The following FGD5 variants were observed in gnomAD, a reference collection of about 807,000 sequenced individuals.
The protein encoded by FGD5 is FYVE, RhoGEF and PH domain-containing protein 5.
A neutral mutation model predicts 133.4 loss-of-function variants in FGD5; 28 were observed. That is an observed-to-expected ratio of 0.21 (90% CI 0.16 to 0.29). The LOEUF is 0.29. Ranked by LOEUF, FGD5 falls within the 10% of genes least tolerant of loss-of-function variation. The pLI is 1.00. For synonymous variants in FGD5, 810 were observed against 776.5 expected, an observed-to-expected ratio of 1.04 and a Z score of -0.72; for missense variants, 1,858 against 1,895.2, an observed-to-expected ratio of 0.98 and a Z score of 0.36.
In FGD5 at chr3:14,819,080, G is replaced by C. The variant is rs1429859027; in HGVS notation, c.9G>C (p.Arg3Ser). The C allele has an allele frequency of 1.3e-6, 2 of 1,547,840 alleles. No homozygotes were observed. Among genetic ancestry groups the C allele is most frequent in the Non-Finnish European group, 1.7e-6 (2 of 1,146,342 alleles). The change falls in exon 1 of 20, where the codon AGG (arginine) becomes AGC (serine). Residue 3 changes from arginine to serine, a missense_variant. Physicochemically the swap from Arg to Ser is moderately radical, Grantham distance 110 (BLOSUM62 -1). Transcript: ENST00000285046. The surrounding 1 kb of genome is among the most constrained non-coding windows in gnomAD (Gnocchi z 4.1). MF[R>S]GPKPPIAPKP... is the part of the protein sequence containing the mutation. ...TTCACAGTCCAAACTCCATGTTCAGGGGTCCGAAGCCCCCCATTGCCCCCA... is the reference window on the plus strand; with the variant it reads ...TTCACAGTCCAAACTCCATGTTCAGCGGTCCGAAGCCCCCCATTGCCCCCA...
At position 14,917,567 on chromosome 3, in the gene FGD5, T is replaced by A. The variant is rs2038583718; in HGVS notation, c.3489+235T>A. ...TTAGAGTGGATAATATTTGGTCGGA[T>A]CAGGAAGGAAGGGAAGGAGGGGCAT... On this transcript the variant is annotated intron_variant, in intron 12 of 19. Transcript: ENST00000285046. The surrounding 1 kb of genome is among the most constrained non-coding windows in gnomAD (Gnocchi z 4.1). 6.6e-6 allele frequency among the ~76,000 whole-genome samples: 1 copy of A among 151,712 alleles called. No individual in the cohort carries two copies. The highest frequency in any genetic ancestry group is 2.1e-4 in the South Asian group (1 of 4,810).
chr3:14,879,776 T>G (rs548709843), intron 2 of FGD5, among the ~76,000 whole-genome samples: 1 of 152,248 alleles, frequency 6.6e-6, no homozygotes, highest in African/African-American at 2.4e-5. Flanking sequence ...CAGGAGAGGC[T>G]TCTTGGAGGA....
At position 14,819,308 on chromosome 3, in the gene FGD5, G is replaced by T; in HGVS notation, c.237G>T (p.Lys79Asn). 1 of 1,532,978 alleles carries T rather than the reference G, an allele frequency of 6.5e-7. No homozygotes were observed. The highest frequency in any genetic ancestry group is 8.8e-7 in the Non-Finnish European group (1 of 1,137,384). 95.0% of individuals were successfully genotyped at this position (1,532,978 alleles called of 1,614,324 possible). A position where few individuals can be genotyped will look rare whatever the true frequency, so the allele number is the denominator to read the frequency against. Residue 79 changes from lysine to asparagine, a missense_variant, in exon 1 of 20, where the codon AAG becomes AAT. By Grantham distance (94) the Lys-to-Asn change is moderately conservative. This residue lies in a region of FGD5 where 1,824 missense variants were observed against 1,848.9 expected (regional missense o/e 0.99). Transcript: ENST00000285046. The surrounding 1 kb of genome is among the most constrained non-coding windows in gnomAD (Gnocchi z 4.1). The part of the protein sequence containing the change: ...PRVPLREDEP[K>N]DEGSVGNKAL... ...TTCCGCTGAGGGAGGATGAACCCAA[G>T]GACGAGGGCAGTGTGGGGAACAAAG...
At chr3:14,890,822 G>T (rs1326492494) in intron 4 of FGD5, among the ~76,000 whole-genome samples, 1 of 152,198 alleles carries the variant, frequency 6.6e-6, no homozygotes, top group East Asian at 1.9e-4. Flanking sequence ...TCTTGTCTTT[G>T]CCTGTTCTTC....
intron 1 of FGD5, among the ~76,000 whole-genome samples, chr3:14,859,493 G>A (rs1461968315): frequency 6.6e-6 from 1 of 152,032 alleles, no homozygotes; most frequent in African/African-American, 2.4e-5. Flanking sequence ...AGAAAGCAGA[G>A]GTTGCACTTA....
intron 1 of FGD5, among the ~76,000 whole-genome samples, chr3:14,843,451 G>A (rs913828274): frequency 1.3e-5 from 2 of 152,088 alleles, no homozygotes; most frequent in African/African-American, 4.8e-5. Flanking sequence ...CCCTTTAGAC[G>A]CTCTCTCAGG....
rs561668642 is a variant in FGD5 at position 14,897,464 on chromosome 3, C to G, written c.2749-45C>G. ...GGAAATCTGCCAAGGAGGACTTGTG[C>G]TCAGTCCTATCAACCTGTGGGTAAC... is the stretch of plus-strand genomic sequence containing the variant. On this transcript the variant is annotated intron_variant, in intron 4 of 19. Coordinates refer to ENST00000285046, the MANE Select transcript of FGD5 (RefSeq NM_152536.4). 118 of 1,573,056 alleles carry G rather than the reference C, an allele frequency of 7.5e-5. No individual in the cohort carries two copies. In the South Asian group the frequency reaches 1.3e-3, roughly 18 times the overall value.
chr3:14,864,156 C>A lies in FGD5; in HGVS notation c.2554C>A (p.Pro852Thr). 2 of 1,613,994 alleles carry A rather than the reference C, an allele frequency of 1.2e-6. No homozygotes were observed. The highest frequency in any genetic ancestry group is 3.3e-5 in the Admixed American group (2 of 60,032). Residue 852 changes from proline to threonine, a missense_variant, in exon 2 of 20, where the codon CCC becomes ACC. Coordinates refer to ENST00000285046, the MANE Select transcript of FGD5 (RefSeq NM_152536.4). ...CTACACAGAGCCCTACAAAGTCTGT[C>A]CCATCTCGTCGGCAGCCCCCAAAGA... ...SAYTEPYKVCPISSAAPKEDL... is the reference protein window; with the variant it reads ...SAYTEPYKVCTISSAAPKEDL...
chr3:14,908,559 A>G (rs967700397), intron 10 of FGD5, among the ~76,000 whole-genome samples: 5 of 152,198 alleles, frequency 3.3e-5, no homozygotes, highest in Admixed American at 6.5e-5. Context: ...AATAATTTAG[A>G]AAAATATTTT....
chr3:14,822,659 C>T (rs1026572757), intron 1 of FGD5, among the ~76,000 whole-genome samples: 1 of 152,122 alleles, frequency 6.6e-6, no homozygotes, highest in African/African-American at 2.4e-5. Context: ...GAATTGTGGA[C>T]ACAACTTAAA....
intron 2 of FGD5, among the ~76,000 whole-genome samples, chr3:14,872,427 TG>T (rs1176588658): frequency 1.3e-5 from 2 of 152,198 alleles, no homozygotes; most frequent in Non-Finnish European, 2.9e-5. Context: ...TCTCATGGGC[TG>T]GGAAGTATAG....
chr3:14,862,675 AG>A (rs2037421390), intron 1 of FGD5, among the ~76,000 whole-genome samples: 1 of 152,206 alleles, frequency 6.6e-6, no homozygotes, highest in Non-Finnish European at 1.5e-5. Flanking sequence ...AAGAAGAAAG[AG>A]GTCTGACCAG....
rs758541129 is a variant in FGD5, at chr3:14,820,445, G to A, written c.1374G>A (p.Ser458=). 2.1e-5 allele frequency: 33 copies of A among 1,606,956 alleles called. No individual in the cohort carries two copies. Among genetic ancestry groups the A allele is most frequent in the Admixed American group, 8.6e-5 (5 of 58,404 alleles). ...CGGACGCCCTGGGTGGTTATGGCTC[G>A]AAAGAAGAATTGAACTGTGAGGCAG... is the stretch of plus-strand genomic sequence containing the variant. ...AASDALGGYG[S]KEELNCEAEG... is the part of the protein sequence containing the mutation. Residue 458 remains serine, a synonymous_variant, in exon 1 of 20, where the codon TCG becomes TCA. Coordinates refer to ENST00000285046, the MANE Select transcript of FGD5 (RefSeq NM_152536.4).
intron 1 of FGD5, among the ~76,000 whole-genome samples, chr3:14,832,156 G>A (rs912579491): frequency 3.3e-5 from 5 of 152,198 alleles, no homozygotes; most frequent in African/African-American, 1.2e-4. Flanking sequence ...ACTGAGCACC[G>A]TGAGGAGTCT....
At chr3:14,898,921 C>A in intron 7 of FGD5, 95 bp downstream of exon 7, 1 of 1,100,364 alleles carries the variant, frequency 9.1e-7, no homozygotes, top group Non-Finnish European at 1.3e-6. Flanking sequence ...TTGCCTCTGA[C>A]CATGTCAGGC....
intron 1 of FGD5, among the ~76,000 whole-genome samples, chr3:14,853,234 G>A (rs2037201670): frequency 6.6e-6 from 1 of 152,230 alleles, no homozygotes; most frequent in Admixed American, 6.5e-5. Flanking sequence ...GGAAGTCCTG[G>A]AGGGACTGTT....
At chr3:14,878,834 G>A (rs567543771) in intron 2 of FGD5, among the ~76,000 whole-genome samples, 1 of 151,484 alleles carries the variant, frequency 6.6e-6, no homozygotes, top group East Asian at 2.0e-4. Flanking sequence ...AGTCTCCCGA[G>A]TAGCTGGGAT....
Position 14,917,858 on chromosome 3 carries a change from A to G in FGD5, c.3489+526A>G, listed in dbSNP as rs181868958. Among the ~76,000 whole-genome samples the G allele has an allele frequency of 5.8e-3, 882 of 152,210 alleles. 4 individuals are homozygous for G. The highest frequency in any genetic ancestry group is 8.7e-3 in the Non-Finnish European group (590 of 68,014). Reference sequence around the variant, plus strand: ...CCCTCCTTCTCAGCCCCTGGCACCTACCATTCTACTTTCTATGTCCATGAA... The same window carrying G: ...CCCTCCTTCTCAGCCCCTGGCACCTGCCATTCTACTTTCTATGTCCATGAA... On this transcript the variant is annotated intron_variant, in intron 12 of 19. Coordinates refer to ENST00000285046, the MANE Select transcript of FGD5 (RefSeq NM_152536.4). This position sits in a 1 kb window ranked among gnomAD's most constrained non-coding sequence, Gnocchi z 4.1.
At position 14,896,591 on chromosome 3, in the gene FGD5, C is replaced by G. The variant is rs894433026; in HGVS notation, c.2749-918C>G. Among the ~76,000 whole-genome samples the G allele has an allele frequency of 1.4e-4, 21 of 152,106 alleles. 1 individual carries two copies. Among genetic ancestry groups the G allele is most frequent in the Non-Finnish European group, 1.5e-5 (1 of 68,024 alleles). On this transcript the variant is annotated intron_variant, in intron 4 of 19. Coordinates refer to ENST00000285046, the MANE Select transcript of FGD5 (RefSeq NM_152536.4). The stretch of plus-strand genomic sequence containing the variant: ...GTTCAAGCGATTCTCGTGCCTCAGC[C>G]TCCCGAGTAGCTGGGATTACAGGCA...
Sources: allele counts gnomAD v4.1 joint callset (sites outside exome capture counted in the v4.1 genomes callset), GRCh38; gene constraint gnomAD v4.1.1; regional missense constraint gnomAD v4.1.1; non-coding constraint Gnocchi (gnomAD v3.1); transcripts MANE v1.5; gene names NCBI Gene and HGNC (gene_info 2026-07-23, HGNC 2026-07-21).